Variants in RNF125 observed in about 807,000 individuals in gnomAD.
RNF125 encodes the protein ring finger protein 125.
A neutral mutation model predicts 26.0 loss-of-function variants in RNF125; 21 were observed. The ratio of observed to expected loss-of-function variants is 0.81; its 90% confidence interval spans 0.57 to 1.16. The LOEUF (loss-of-function observed/expected upper bound fraction) is 1.16. RNF125 is among the 50% of genes most tolerant of loss of function. The pLI is 0.00. For missense variants in RNF125, 270 were observed against 299.4 expected (o/e 0.90, Z 0.72); for synonymous variants, 95 against 109.2 (o/e 0.87, Z 0.81).
chr18:32,087,906 T>C, the RNF125 span, among the ~76,000 whole-genome samples: 1 of 152,162 alleles, frequency 6.6e-6, no homozygotes, highest in African/African-American at 2.4e-5. Context: ...AGGATAACAA[T>C]ACGAAGATCC....
chr18:32,056,861 T>C (rs1347131733), intron 4 of RNF125, among the ~76,000 whole-genome samples: 1 of 152,180 alleles, frequency 6.6e-6, no homozygotes, highest in Admixed American at 6.5e-5. Flanking sequence ...CCTTCTTCCT[T>C]ACCTCTCTTC....
intron 4 of RNF125, among the ~76,000 whole-genome samples, chr18:32,050,839 TCCAGCTAGTCTCTCGGTCTAGAGTGC>T: frequency 1.5e-5 from 2 of 134,868 alleles, no homozygotes; most frequent in African/African-American, 2.9e-5. Context: ...AACCTTGCCC[TCCAGCTAGTCTCTCGGTCTAGAGTGC>T]TTTTTTTTTT....
intron 1 of RNF125, among the ~76,000 whole-genome samples, chr18:32,028,278 A>G (rs1057229801): frequency 1.4e-5 from 2 of 145,048 alleles, no homozygotes; most frequent in South Asian, 2.2e-4. Context: ...AGCCTGGGCA[A>G]CAGAGCGAGA....
intron 1 of RNF125, among the ~76,000 whole-genome samples, chr18:32,032,656 C>T (rs976457938): frequency 7.2e-5 from 11 of 152,020 alleles, no homozygotes; most frequent in African/African-American, 2.4e-4. Flanking sequence ...CTTTCAAACT[C>T]GCTTCTTCAA....
At chr18:32,038,720 A>G (rs941380598) in intron 2 of RNF125, among the ~76,000 whole-genome samples, 1 of 152,192 alleles carries the variant, frequency 6.6e-6, no homozygotes, top group Non-Finnish European at 1.5e-5. Flanking sequence ...ATAGTAAGCC[A>G]GAGAAAGAGA....
the RNF125 span, among the ~76,000 whole-genome samples, chr18:32,084,162 C>T: frequency 4.6e-5 from 7 of 152,262 alleles, no homozygotes; most frequent in African/African-American, 1.7e-4. Flanking sequence ...TTGAGACCAG[C>T]CTAGCCGACT....
the RNF125 span, among the ~76,000 whole-genome samples, chr18:32,089,629 AT>A: frequency 6.6e-6 from 1 of 152,178 alleles, no homozygotes; most frequent in Non-Finnish European, 1.5e-5. Context: ...ATTGCAACTT[AT>A]TTTTTTAAGC....
Position 32,037,104 on chromosome 18 carries a change from T to G in RNF125, c.165-12T>G. ...CAAGGAAAGTGATGTATTTTTGGTC[T>G]GTTTGGGGTAGATTCTGCCGTTCCT... is the stretch of plus-strand genomic sequence containing the variant. On this transcript the variant is annotated splice_polypyrimidine_tract_variant and intron_variant, in intron 1 of 5. Transcript: ENST00000217740. The G allele has an allele frequency of 6.3e-7, 1 of 1,582,498 alleles. No homozygotes were observed. Among genetic ancestry groups the G allele is most frequent in the Non-Finnish European group, 8.6e-7 (1 of 1,168,944 alleles).
At chr18:32,052,801 C>T (rs539686227) in intron 4 of RNF125, among the ~76,000 whole-genome samples, 5 of 152,284 alleles carry the variant, frequency 3.3e-5, no homozygotes, top group East Asian at 1.9e-4. Context: ...AGCTCTTTTA[C>T]ACTTGTACTC....
chr18:32,086,100 ACC>A, the RNF125 span, among the ~76,000 whole-genome samples: 965 of 152,244 alleles, frequency 6.3e-3, 12 homozygotes, highest in African/African-American at 0.022. Context: ...TTTCAGCTTT[ACC>A]ACCTTCAGCA....
chr18:32,036,165 AAAAAAG>A (rs2039151826), intron 1 of RNF125, among the ~76,000 whole-genome samples: 1 of 151,940 alleles, frequency 6.6e-6, no homozygotes, highest in African/African-American at 2.4e-5. Context: ...AAAAAAAAAA[AAAAAAG>A]AGAAGGAAAC....
At chr18:32,063,137 T>C (rs1370314319) in intron 4 of RNF125, among the ~76,000 whole-genome samples, 1 of 151,268 alleles carries the variant, frequency 6.6e-6, no homozygotes, top group Non-Finnish European at 1.5e-5. Flanking sequence ...GGAAAGTTGC[T>C]TGAACCCAGG....
chr18:32,052,492 CAAAAA>C (rs11305889), intron 4 of RNF125, among the ~76,000 whole-genome samples: 7 of 124,794 alleles, frequency 5.6e-5, no homozygotes, highest in African/African-American at 1.9e-4. Flanking sequence ...GACTCCATCT[CAAAAA>C]AAAAAAAAAA....
intron 1 of RNF125, among the ~76,000 whole-genome samples, chr18:32,027,081 C>T (rs1055970640): frequency 6.6e-6 from 1 of 152,228 alleles, no homozygotes; most frequent in Non-Finnish European, 1.5e-5. Flanking sequence ...ACAATTCAAA[C>T]TAATTTTTTC....
At chr18:32,026,552 CT>C (rs765402915) in intron 1 of RNF125, among the ~76,000 whole-genome samples, 24 of 152,206 alleles carry the variant, frequency 1.6e-4, no homozygotes, top group Admixed American at 1.1e-3. Flanking sequence ...AGCACCCAGT[CT>C]TTTGTGGGAG....
chr18:32,079,793 C>A, the RNF125 span, among the ~76,000 whole-genome samples: 2 of 152,252 alleles, frequency 1.3e-5, no homozygotes, highest in South Asian at 4.1e-4. Context: ...AGATTTAGTC[C>A]AGTGATATAG....
chr18:32,027,786 C>T (rs1326705241), intron 1 of RNF125, among the ~76,000 whole-genome samples: 1 of 151,954 alleles, frequency 6.6e-6, no homozygotes, highest in Non-Finnish European at 1.5e-5. Context: ...GGGATAAAAG[C>T]ATACACATTT....
At chr18:32,090,549 A>G in the RNF125 span, among the ~76,000 whole-genome samples, 1 of 152,232 alleles carries the variant, frequency 6.6e-6, no homozygotes, top group Admixed American at 6.5e-5. Context: ...TGAGATGTAC[A>G]TTAAAACCCA....
In RNF125 at chr18:32,049,918, A is replaced by G. The variant is rs370586981; in HGVS notation, c.504+4186A>G. Reference sequence around the variant, plus strand: ...GGGTTCACGTGCTTAGGGGTCCCTAATGGGGACATGTGGGTGAAAACACAC... The same window carrying G: ...GGGTTCACGTGCTTAGGGGTCCCTAGTGGGGACATGTGGGTGAAAACACAC... On this transcript the variant is annotated intron_variant, in intron 4 of 5. Transcript: ENST00000217740. 2.2e-4 allele frequency among the ~76,000 whole-genome samples: 34 copies of G among 152,242 alleles called. No homozygotes were observed. In the South Asian group the frequency reaches 6.0e-3, roughly 27 times the overall value.
Sources: gnomAD v4.1 joint callset for allele counts (sites outside exome capture counted in the v4.1 genomes callset) on GRCh38, gnomAD v4.1.1 for gene constraint, MANE v1.5 for transcripts, NCBI Gene and HGNC (gene_info 2026-07-23, HGNC 2026-07-21) for gene names.